BMAL2: variants seen among roughly 807,000 people sequenced by gnomAD.
BMAL2 encodes basic helix-loop-helix ARNT like 2.
the BMAL2 span, chr12:27,402,625 T>C: frequency 6.2e-6 from 10 of 1,612,276 alleles, no homozygotes; most frequent in Non-Finnish European, 8.5e-6. Context: ...CTAGGGGACA[T>C]AGTGAGCCTG....
chr12:27,389,138 G>A, the BMAL2 span: 8 of 1,300,888 alleles, frequency 6.1e-6, no homozygotes, highest in South Asian at 8.7e-5. Flanking sequence ...TGTAGAAAAA[G>A]CATGGTACTG....
chr12:27,333,129 G>A, the BMAL2 span: 8 of 1,204,028 alleles, frequency 6.6e-6, no homozygotes, highest in Non-Finnish European at 8.3e-6. Context: ...GCGAGGCGAC[G>A]GCCCCAGGTG....
chr12:27,401,406 T>C, the BMAL2 span: 1 of 1,568,286 alleles, frequency 6.4e-7, no homozygotes, highest in South Asian at 1.1e-5. Context: ...GAATTTAAAA[T>C]GACAGTTTTA....
the BMAL2 span, chr12:27,420,834 T>G: frequency 1.1e-4 from 24 of 223,058 alleles, no homozygotes; most frequent in Non-Finnish European, 2.0e-4. Context: ...TTTGGCTTTG[T>G]TTTATTTTTG....
the BMAL2 span, among the ~76,000 whole-genome samples, chr12:27,396,238 C>G: frequency 6.6e-6 from 1 of 152,150 alleles, no homozygotes; most frequent in Admixed American, 6.5e-5. Context: ...GTGGCTCATG[C>G]AGTGCTTGGC....
chr12:27,360,905 C>G, the BMAL2 span, among the ~76,000 whole-genome samples: 1 of 149,714 alleles, frequency 6.7e-6, no homozygotes, highest in South Asian at 2.1e-4. Context: ...GAATTAAAGG[C>G]CACTTTCATT....
chr12:27,369,175 T>C, the BMAL2 span, among the ~76,000 whole-genome samples: 2 of 152,230 alleles, frequency 1.3e-5, no homozygotes, highest in Non-Finnish European at 2.9e-5. Flanking sequence ...GCTGGTACTT[T>C]ACATAAATGT....
the BMAL2 span, among the ~76,000 whole-genome samples, chr12:27,407,256 A>G: frequency 6.6e-6 from 1 of 152,240 alleles, no homozygotes; most frequent in Non-Finnish European, 1.5e-5. Flanking sequence ...ATAGACATCT[A>G]CAGAACTCTC....
the BMAL2 span, among the ~76,000 whole-genome samples, chr12:27,372,327 T>C: frequency 0.04 from 6,111 of 152,064 alleles, 414 homozygotes; most frequent in East Asian, 0.34. Flanking sequence ...ATCCATATTA[T>C]AGTATGTGTC....
chr12:27,356,802 G>T, the BMAL2 span, among the ~76,000 whole-genome samples: 1 of 151,944 alleles, frequency 6.6e-6, no homozygotes, highest in Non-Finnish European at 1.5e-5. Context: ...GTGGTGTTTG[G>T]TTACATGAAT....
chr12:27,423,985 C>T, the BMAL2 span: 1 of 152,062 alleles, frequency 6.6e-6, no homozygotes, highest in South Asian at 2.1e-4. Context: ...ATTTTGAAGA[C>T]TAGTATTACC....
chr12:27,402,579 A>G, the BMAL2 span: 5 of 1,533,984 alleles, frequency 3.3e-6, no homozygotes, highest in Middle Eastern at 3.5e-4. Flanking sequence ...AGTTTCCTTC[A>G]CCTTAGAAAG....
the BMAL2 span, chr12:27,385,649 C>G: frequency 1.2e-6 from 1 of 835,424 alleles, no homozygotes; most frequent in South Asian, 1.6e-5. Flanking sequence ...GCTTCCTGTT[C>G]TAAACATATG....
chr12:27,403,152 G>A, the BMAL2 span, among the ~76,000 whole-genome samples: 5 of 152,160 alleles, frequency 3.3e-5, no homozygotes, highest in African/African-American at 1.2e-4. Flanking sequence ...TGTATTATTT[G>A]TAAAAATAAA....
the BMAL2 span, among the ~76,000 whole-genome samples, chr12:27,377,021 A>AG: frequency 6.7e-6 from 1 of 148,350 alleles, no homozygotes; most frequent in East Asian, 1.9e-4. Context: ...AAAAAAAAAA[A>AG]AAAGAAACCC....
At chr12:27,423,968 A>G in the BMAL2 span, 6 of 152,362 alleles carry the variant, frequency 3.9e-5, no homozygotes, top group East Asian at 1.2e-3. Context: ...TGTAAGATAC[A>G]TACCAGATTT....
the BMAL2 span, among the ~76,000 whole-genome samples, chr12:27,404,209 C>A: frequency 7.4e-6 from 1 of 134,586 alleles, no homozygotes; most frequent in South Asian, 2.7e-4. Flanking sequence ...AAAAATACCA[C>A]CATGCATTTT....
the BMAL2 span, among the ~76,000 whole-genome samples, chr12:27,397,084 T>A: frequency 6.6e-6 from 1 of 152,180 alleles, no homozygotes; most frequent in East Asian, 1.9e-4. Context: ...GTTTATTTAT[T>A]TATTGAGATG....
chr12:27,406,776 C>T, the BMAL2 span, among the ~76,000 whole-genome samples: 5 of 152,184 alleles, frequency 3.3e-5, no homozygotes, highest in African/African-American at 1.2e-4. Flanking sequence ...CTAAATGCTC[C>T]AATTAAAAGA....
Sources: gnomAD v4.1 joint callset for allele counts (sites outside exome capture counted in the v4.1 genomes callset) on GRCh38, gnomAD v4.1.1 for gene constraint, MANE v1.5 for transcripts, NCBI Gene and HGNC (gene_info 2026-07-23, HGNC 2026-07-21) for gene names.